Variants in SLC4A10 observed in about 807,000 individuals in gnomAD.
SLC4A10 encodes solute carrier family 4 member 10.
Under a neutral mutation model 137.7 loss-of-function variants are expected in SLC4A10, and 42 were observed. The ratio of observed to expected loss-of-function variants is 0.30; its 90% CI spans 0.24 to 0.39. SLC4A10 has a LOEUF of 0.39. Among genes scored for constraint, SLC4A10 ranks in the 10% least tolerant of loss-of-function variants. SLC4A10 has a pLI of 1.00. For synonymous variants in SLC4A10, 474 were observed against 464.1 expected, an observed-to-expected ratio of 1.02 and a Z score of -0.27; for missense variants, 925 against 1,355.0, an observed-to-expected ratio of 0.68 and a Z score of 4.98.
chr2:161,778,020 T>G (rs1458291855), intron 2 of SLC4A10, among the ~76,000 whole-genome samples: 1 of 152,014 alleles, frequency 6.6e-6, no homozygotes, highest in African/African-American at 2.4e-5. Flanking sequence ...CATTGTTATA[T>G]AGACAACCTA....
intron 3 of SLC4A10, among the ~76,000 whole-genome samples, chr2:161,819,211 A>T (rs1229376852): frequency 1.3e-5 from 2 of 152,254 alleles, no homozygotes; most frequent in African/African-American, 2.4e-5. Flanking sequence ...TTATGCTTAC[A>T]TCATAGGAAA....
At chr2:161,826,401 A>G (rs2058022802) in intron 3 of SLC4A10, among the ~76,000 whole-genome samples, 1 of 152,206 alleles carries the variant, frequency 6.6e-6, no homozygotes, top group South Asian at 2.1e-4. Flanking sequence ...GCAAGATTAC[A>G]TATTAAAATG....
At chr2:161,764,311 A>G (rs1233952539) in intron 1 of SLC4A10, among the ~76,000 whole-genome samples, 1 of 152,168 alleles carries the variant, frequency 6.6e-6, no homozygotes, top group Non-Finnish European at 1.5e-5. Context: ...TTAACATATA[A>G]ATATAATTGC....
In SLC4A10 at chr2:161,836,909, G is replaced by C. The variant is rs1048745387; in HGVS notation, c.278-2880G>C. ...TAAAAGGAAATGGAACAGCATTTGA[G>C]AATGCTGAAAGAACATTTAGTCCAG... is the stretch of plus-strand genomic sequence containing the variant. On this transcript the variant is annotated intron_variant, in intron 3 of 26. Coordinates refer to ENST00000446997, the MANE Select transcript of SLC4A10 (RefSeq NM_001178015.2). Among the ~76,000 whole-genome samples, 13 of 152,190 alleles carry C rather than the reference G, an allele frequency of 8.5e-5. 1 individual carries two copies. The highest frequency in any genetic ancestry group is 7.9e-4 in the Admixed American group (12 of 15,276).
chr2:161,908,021 T>C (rs1329793423), intron 15 of SLC4A10, among the ~76,000 whole-genome samples: 1 of 152,128 alleles, frequency 6.6e-6, no homozygotes, highest in African/African-American at 2.4e-5. Context: ...CTGAGGAACA[T>C]AGTTTAAAGT....
At chr2:161,849,858 AT>A (rs1265879373) in intron 4 of SLC4A10, among the ~76,000 whole-genome samples, 1 of 151,546 alleles carries the variant, frequency 6.6e-6, no homozygotes, top group Non-Finnish European at 1.5e-5. Context: ...TGGTCTGAAG[AT>A]TTTTGTTGTG....
intron 1 of SLC4A10, among the ~76,000 whole-genome samples, chr2:161,712,280 G>T (rs1574501595): frequency 6.6e-6 from 1 of 151,686 alleles, no homozygotes; most frequent in East Asian, 1.9e-4. Context: ...TTGCTTCTCT[G>T]TATTACACCA....
chr2:161,892,720 T>C (rs868718654), intron 10 of SLC4A10, among the ~76,000 whole-genome samples: 2 of 152,034 alleles, frequency 1.3e-5, no homozygotes, highest in Non-Finnish European at 2.9e-5. Context: ...AATATAGGAG[T>C]CCTTAATCTC....
At chr2:161,629,282 C>T (rs1027040868) in intron 1 of SLC4A10, among the ~76,000 whole-genome samples, 3 of 149,024 alleles carry the variant, frequency 2.0e-5, no homozygotes, top group Admixed American at 6.7e-5. Context: ...AATATATTCT[C>T]GCACCACAAA....
intron 4 of SLC4A10, among the ~76,000 whole-genome samples, chr2:161,840,943 G>A (rs1385336500): frequency 6.6e-6 from 1 of 152,192 alleles, no homozygotes; most frequent in Non-Finnish European, 1.5e-5. Flanking sequence ...TTCCCTGGAG[G>A]AGGCGATTCT....
intron 1 of SLC4A10, among the ~76,000 whole-genome samples, chr2:161,708,291 G>A (rs2043906319): frequency 6.6e-6 from 1 of 151,402 alleles, no homozygotes; most frequent in African/African-American, 2.4e-5. Flanking sequence ...AAAGCCTAAA[G>A]CTTAGTCACA....
At chr2:161,784,346 G>T (rs60568303) in intron 2 of SLC4A10, among the ~76,000 whole-genome samples, 2 of 151,610 alleles carry the variant, frequency 1.3e-5, no homozygotes, top group South Asian at 4.1e-4. Flanking sequence ...CATTACCCAC[G>T]GGCAAAACAG....
intron 16 of SLC4A10, 119 bp downstream of exon 16, chr2:161,943,016 T>A (rs1026122797): frequency 1.5e-6 from 1 of 672,516 alleles, no homozygotes; most frequent in African/African-American, 1.8e-5. Context: ...TAGTTGTGTT[T>A]TAATTTTAAT....
chr2:161,779,010 A>G (rs2052706692), intron 2 of SLC4A10, among the ~76,000 whole-genome samples: 1 of 151,936 alleles, frequency 6.6e-6, no homozygotes, highest in Non-Finnish European at 1.5e-5. Context: ...TATTTAGGTC[A>G]CAGTCCTGTA....
chr2:161,851,372 T>C (rs1002973464), intron 4 of SLC4A10, among the ~76,000 whole-genome samples: 1 of 152,188 alleles, frequency 6.6e-6, no homozygotes, highest in Non-Finnish European at 1.5e-5. Context: ...TCTAAGAACT[T>C]GTTTTATGAA....
At chr2:161,894,650 T>G (rs775988907) in intron 10 of SLC4A10, 29 bp from the exon 11 acceptor site, 1 of 1,175,266 alleles carries the variant, frequency 8.5e-7, no homozygotes, top group East Asian at 3.2e-5. Context: ...ATTTTTAAGC[T>G]ATAAATAATA....
chr2:161,817,594 T>G (rs2057213476), intron 3 of SLC4A10, among the ~76,000 whole-genome samples: 1 of 152,194 alleles, frequency 6.6e-6, no homozygotes, highest in South Asian at 2.1e-4. Context: ...GGTTTTCTTC[T>G]AGGGTTTTTA....
Position 161,736,843 on chromosome 2 carries a change from A to AAGT in SLC4A10, c.49-34128_49-34126dup, listed in dbSNP as rs1278885977. On this transcript the variant is annotated intron_variant, in intron 1 of 26. Coordinates refer to ENST00000446997, the MANE Select transcript of SLC4A10 (RefSeq NM_001178015.2). ...CTCTCTTAAACATCCTTATAAATGG[A>AAGT]AGTATTATTATTATTATTGTTATTA... Among the ~76,000 whole-genome samples the AAGT allele has an allele frequency of 1.4e-4, 22 of 152,110 alleles. No individual in the cohort carries two copies. In the South Asian group the frequency reaches 4.6e-3, roughly 32 times the overall value.
At chr2:161,906,449 G>A (rs62188821) in intron 15 of SLC4A10, among the ~76,000 whole-genome samples, 10,230 of 152,210 alleles carry the variant, frequency 0.067, 452 homozygotes, top group East Asian at 0.13. Context: ...GTTACAGTCC[G>A]GGATTGAAGA....
Sources: allele counts gnomAD v4.1 joint callset (sites outside exome capture counted in the v4.1 genomes callset), GRCh38; gene constraint gnomAD v4.1.1; transcripts MANE v1.5; gene names NCBI Gene and HGNC (gene_info 2026-07-23, HGNC 2026-07-21).